Variants in STX1B observed in about 807,000 individuals in gnomAD.
STX1B encodes the protein syntaxin-1B.
Under a neutral mutation model 39.4 loss-of-function variants are expected in STX1B, and 7 were observed. The observed-to-expected ratio is 0.18, with a 90% confidence interval of 0.10 to 0.33. The LOEUF is 0.33. Ranked by LOEUF, STX1B falls within the 10% of genes least tolerant of loss-of-function variation. The pLI, the probability that STX1B is intolerant of heterozygous loss-of-function variation, is 1.00. For synonymous variants in STX1B, 136 were observed against 144.1 expected (o/e 0.94, Z 0.40); for missense variants, 198 against 383.2 (o/e 0.52, Z 4.04).
At chr16:31,000,136 T>C (rs908150747) in intron 4 of STX1B, among the ~76,000 whole-genome samples, 1 of 150,170 alleles carries the variant, frequency 6.7e-6, no homozygotes, top group Non-Finnish European at 1.5e-5. Context: ...TGGCTGGGAT[T>C]ACAGGCGCCT....
chr16:30,997,525 C>A lies in STX1B; in HGVS notation c.331G>T (p.Asp111Tyr). Reference sequence around the variant, plus strand: ...ACCTGGGTCTTGCGGATGCGCAGGTCCGCGGAGGAACGGTTCAGCCCCTCC... The same window carrying A: ...ACCTGGGTCTTGCGGATGCGCAGGTACGCGGAGGAACGGTTCAGCCCCTCC... ...QEEGLNRSSA[D>Y]LRIRKTQHST... The change falls in exon 5 of 10, where the codon GAC (aspartate) becomes TAC (tyrosine). Residue 111 changes from aspartate to tyrosine, a missense_variant. Physicochemically the swap from Asp to Tyr is radical, Grantham distance 160. Transcript: ENST00000215095. The A allele has an allele frequency of 6.2e-7, 1 of 1,609,556 alleles. No homozygotes were observed. Among genetic ancestry groups the A allele is most frequent in the Non-Finnish European group, 8.5e-7 (1 of 1,178,534 alleles).
rs887248875 is a variant in STX1B at position 31,001,398 on chromosome 16, T to C, written c.105+131A>G. 3.9e-5 allele frequency: 23 copies of C among 588,930 alleles called. No individual in the cohort carries two copies. Among genetic ancestry groups the C allele is most frequent in the Admixed American group, 2.4e-4 (6 of 24,878 alleles). The allele number at this position is 588,930 out of a possible 1,614,324, so 36.5% of individuals were successfully genotyped here. On this transcript the variant is annotated intron_variant, in intron 2 of 9. Coordinates refer to ENST00000215095, the MANE Select transcript of STX1B (RefSeq NM_052874.5). This position sits in a 1 kb window ranked among gnomAD's most constrained non-coding sequence, Gnocchi z 5.5. Reference sequence around the variant, plus strand: ...GGGTGCCGGGGCTGCGGCTGGGCGGTGGGACTAGGGGCTGGGGCTGGGTGC... The same window carrying C: ...GGGTGCCGGGGCTGCGGCTGGGCGGCGGGACTAGGGGCTGGGGCTGGGTGC...
At chr16:31,008,034 A>G (rs1251018244) in intron 1 of STX1B, among the ~76,000 whole-genome samples, 1 of 152,124 alleles carries the variant, frequency 6.6e-6, no homozygotes, top group Non-Finnish European at 1.5e-5. Flanking sequence ...GGGAATGCCA[A>G]GGTACTGTTG....
intron 6 of STX1B, 38 bp downstream of exon 6, chr16:30,996,913 C>G (rs2056595722): frequency 1.3e-6 from 2 of 1,582,944 alleles, no homozygotes; most frequent in Non-Finnish European, 1.7e-6. Flanking sequence ...TGGGCAGCCT[C>G]AAGGAGTTCG....
rs2056548678 is a variant in STX1B, at chr16:30,990,541, T to TACACACACATACAATGC, written c.*2263_*2279dup. ...ATGCACACACAATGCACACACAATGTACACACACATACAATGCACACACAC... is the reference window on the plus strand; with the variant it reads ...ATGCACACACAATGCACACACAATGTACACACACATACAATGCACACACACATACAATGCACACACAC... On this transcript the variant is annotated 3_prime_UTR_variant, in exon 10 of 10. Coordinates refer to ENST00000215095, the MANE Select transcript of STX1B (RefSeq NM_052874.5). The TACACACACATACAATGC allele has an allele frequency of 6.6e-6, 1 of 152,296 alleles. No homozygotes were observed. Among genetic ancestry groups the TACACACACATACAATGC allele is most frequent in the Non-Finnish European group, 1.5e-5 (1 of 68,126 alleles). The allele number at this position is 152,296 out of a possible 1,614,324, so 9.4% of individuals were successfully genotyped here.
intron 1 of STX1B, among the ~76,000 whole-genome samples, chr16:31,003,468 G>T: frequency 6.6e-6 from 1 of 152,050 alleles, no homozygotes; most frequent in South Asian, 2.1e-4. Context: ...CCTTCCCCTA[G>T]AGCCAAAAGC....
chr16:31,005,981 G>A (rs1021561447), intron 1 of STX1B, among the ~76,000 whole-genome samples: 6 of 152,198 alleles, frequency 3.9e-5, no homozygotes, highest in African/African-American at 9.6e-5. Context: ...ATACAGAAGC[G>A]GAAGGAGGAG....
intron 7 of STX1B, among the ~76,000 whole-genome samples, chr16:30,995,996 G>A (rs1241130368): frequency 1.3e-5 from 2 of 152,058 alleles, no homozygotes; most frequent in African/African-American, 2.4e-5. Context: ...GGGCAACAGA[G>A]GAAGACCCCC....
intron 4 of STX1B, among the ~76,000 whole-genome samples, chr16:31,000,066 C>T (rs959756505): frequency 6.0e-5 from 9 of 151,162 alleles, no homozygotes; most frequent in East Asian, 3.9e-4. Context: ...GGCGCGATCT[C>T]GGCTCACTGC....
chr16:31,001,350 GA>G lies in STX1B; in HGVS notation c.106-158del, dbSNP rs1415335229. 6.6e-6 allele frequency among the ~76,000 whole-genome samples: 1 copy of G among 152,028 alleles called. No individual in the cohort carries two copies. Among genetic ancestry groups the G allele is most frequent in the East Asian group, 1.9e-4 (1 of 5,176 alleles). ...CAGGGAAGTGGGGGACAGGGAAAAG[GA>G]AGTTGTCGGTGGCTAGGGGCTGGGT... On this transcript the variant is annotated intron_variant, in intron 2 of 9. Coordinates refer to ENST00000215095, the MANE Select transcript of STX1B (RefSeq NM_052874.5). The surrounding 1 kb of genome is among the most constrained non-coding windows in gnomAD (Gnocchi z 5.5).
chr16:30,994,455 A>G (rs2143663915), intron 7 of STX1B, among the ~76,000 whole-genome samples: 1 of 148,590 alleles, frequency 6.7e-6, no homozygotes, highest in African/African-American at 2.5e-5. Context: ...TTAGCTGGGC[A>G]TGGTGGCGCC....
chr16:30,997,580 G>C lies in STX1B; in HGVS notation c.281-5C>G, dbSNP rs755871777. 1 of 1,605,682 alleles carries C rather than the reference G, an allele frequency of 6.2e-7. No homozygotes were observed. The highest frequency in any genetic ancestry group is 8.5e-7 in the Non-Finnish European group (1 of 1,176,912). ...GTTCAATGCTTTGCTCGATCGCTGC[G>C]GGAGAGAGGGCGCAGCGATGGGCGG... On this transcript the variant is annotated splice_region_variant and splice_polypyrimidine_tract_variant and intron_variant, in intron 4 of 9. Coordinates refer to ENST00000215095, the MANE Select transcript of STX1B (RefSeq NM_052874.5).
intron 1 of STX1B, among the ~76,000 whole-genome samples, chr16:31,003,263 C>T (rs1334259545): frequency 6.6e-6 from 1 of 152,180 alleles, no homozygotes; most frequent in African/African-American, 2.4e-5. Context: ...CCAGACAATC[C>T]CAACCATCCG....
intron 7 of STX1B, chr16:30,996,372 A>G: frequency 3.4e-5 from 9 of 263,300 alleles, no homozygotes; most frequent in East Asian, 1.7e-4. Flanking sequence ...TTGCCAAGTG[A>G]TTTCATCTCT....
intron 7 of STX1B, among the ~76,000 whole-genome samples, chr16:30,995,886 G>T (rs1473510488): frequency 6.6e-6 from 1 of 152,172 alleles, no homozygotes; most frequent in East Asian, 1.9e-4. Flanking sequence ...TCAAAATGTA[G>T]GCAAATTAGG....
At chr16:31,006,227 G>A (rs965224922) in intron 1 of STX1B, among the ~76,000 whole-genome samples, 1 of 152,084 alleles carries the variant, frequency 6.6e-6, no homozygotes, top group Non-Finnish European at 1.5e-5. Context: ...GCCTCCCCCT[G>A]CGCCCTTTCC....
In STX1B at chr16:30,992,852, G is replaced by A. The variant is rs1281946355; in HGVS notation, c.836C>T (p.Ala279Val). 8.1e-6 allele frequency: 13 copies of A among 1,613,700 alleles called. No individual in the cohort carries two copies. Among genetic ancestry groups the A allele is most frequent in the African/African-American group, 1.3e-5 (1 of 74,878 alleles). The change falls in exon 10 of 10, where the codon GCG (alanine) becomes GTG (valine). Residue 279 changes from alanine to valine, a missense_variant. Transcript: ENST00000215095. ...ICCVVLGVVL[A>V]SSIGGTLGL ...GCCCAGCGTCCCCCCAATGGATGACGCCAAGACCACCCCCAGCACCACACA... is the reference window on the plus strand; with the variant it reads ...GCCCAGCGTCCCCCCAATGGATGACACCAAGACCACCCCCAGCACCACACA...
chr16:31,005,382 T>C (rs2056649773), intron 1 of STX1B, among the ~76,000 whole-genome samples: 1 of 152,114 alleles, frequency 6.6e-6, no homozygotes, highest in African/African-American at 2.4e-5. Context: ...TTGCCTCATG[T>C]GCAAATCGAG....
At chr16:30,998,226 T>C (rs1439083630) in intron 4 of STX1B, among the ~76,000 whole-genome samples, 2 of 152,268 alleles carry the variant, frequency 1.3e-5, no homozygotes, top group Admixed American at 6.5e-5. Context: ...CCTGACACTA[T>C]CGTTCCGATT....
Sources: allele counts gnomAD v4.1 joint callset (sites outside exome capture counted in the v4.1 genomes callset), GRCh38; gene constraint gnomAD v4.1.1; non-coding constraint Gnocchi (gnomAD v3.1); transcripts MANE v1.5; gene names NCBI Gene and HGNC (gene_info 2026-07-23, HGNC 2026-07-21).